Variants in OCA2 observed in about 807,000 individuals in gnomAD.
OCA2 encodes OCA2 melanosomal transmembrane protein.
OCA2 carries 77 observed loss-of-function variants against 100.2 expected under a neutral mutation model. The observed-to-expected ratio is 0.77, with a 90% CI of 0.64 to 0.93. The LOEUF is 0.93. OCA2 is among the 40% of genes least tolerant of loss of function. OCA2 has a pLI of 0.00. For missense variants in OCA2, 1,062 were observed against 1,089.1 expected (o/e 0.98, Z 0.35); for synonymous variants, 432 against 439.2 (o/e 0.98, Z 0.21).
In OCA2 at chr15:27,755,288, AC is replaced by A. The variant is rs2030249838; in HGVS notation, c.*99del. On this transcript the variant is annotated 3_prime_UTR_variant, in exon 24 of 24. Coordinates refer to ENST00000354638, the MANE Select transcript of OCA2 (RefSeq NM_000275.3). ...TCTCTGTAGCATCTCCAGGGTAAGC[AC>A]CTTTTCTTCTTCAAACAGTGGGGTC... The A allele has an allele frequency of 1.2e-6, 1 of 834,848 alleles. No homozygotes were observed. The highest frequency in any genetic ancestry group is 1.7e-5 in the African/African-American group (1 of 60,006). The allele number at this position is 834,848 out of a possible 1,614,324, so 51.7% of individuals were successfully genotyped here.
At chr15:27,770,321 G>A (rs2031622057) in intron 23 of OCA2, among the ~76,000 whole-genome samples, 1 of 152,208 alleles carries the variant, frequency 6.6e-6, no homozygotes, top group Non-Finnish European at 1.5e-5. Flanking sequence ...GGAGGGGCCA[G>A]GGACGGGCAA....
chr15:27,795,197 G>A (rs550278770), intron 23 of OCA2, among the ~76,000 whole-genome samples: 5 of 152,256 alleles, frequency 3.3e-5, no homozygotes, highest in Admixed American at 6.5e-5. Context: ...GCACATTTCC[G>A]TAGCGTCTGT....
At chr15:27,939,377 G>A (rs57516625) in intron 18 of OCA2, among the ~76,000 whole-genome samples, 17,468 of 152,010 alleles carry the variant, frequency 0.11, 3,452 homozygotes, top group African/African-American at 0.4. Context: ...TGGTACCCTC[G>A]GGGCCTATTA....
intron 19 of OCA2, among the ~76,000 whole-genome samples, chr15:27,921,128 A>C (rs184356170): frequency 1.4e-4 from 21 of 152,272 alleles, no homozygotes; most frequent in Non-Finnish European, 4.4e-5. Context: ...ACACGTAAGT[A>C]GGAGAAACAC....
chr15:27,794,046 A>G (rs933250835), intron 23 of OCA2, among the ~76,000 whole-genome samples: 2 of 152,204 alleles, frequency 1.3e-5, no homozygotes, highest in Non-Finnish European at 2.9e-5. Context: ...CTCTCTAGAG[A>G]AGATCTTTTC....
chr15:27,910,541 C>T (rs944364752), intron 19 of OCA2, among the ~76,000 whole-genome samples: 3 of 151,846 alleles, frequency 2.0e-5, no homozygotes, highest in Non-Finnish European at 2.9e-5. Context: ...GAGTGATTTC[C>T]AAGACATAAC....
At chr15:27,855,903 G>A (rs1351888668) in intron 21 of OCA2, among the ~76,000 whole-genome samples, 1 of 152,218 alleles carries the variant, frequency 6.6e-6, no homozygotes, top group Non-Finnish European at 1.5e-5. Flanking sequence ...TGAAGCTACT[G>A]TATGAGCTCC....
chr15:28,029,753 C>T (rs1003317706), intron 3 of OCA2, among the ~76,000 whole-genome samples: 1 of 152,018 alleles, frequency 6.6e-6, no homozygotes, highest in African/African-American at 2.4e-5. Context: ...GGATATTATC[C>T]TAATAAGCCA....
Position 27,934,755 on chromosome 15 carries a change from A to G in OCA2, c.1952-8501T>C, listed in dbSNP as rs144465989. 7.7e-3 allele frequency among the ~76,000 whole-genome samples: 1,178 copies of G among 152,328 alleles called. 25 individuals are homozygous for G. The highest frequency in any genetic ancestry group is 0.026 in the African/African-American group (1,083 of 41,588). On this transcript the variant is annotated intron_variant, in intron 18 of 23. Coordinates refer to ENST00000354638, the MANE Select transcript of OCA2 (RefSeq NM_000275.3). ...CTTTCCTCCAGCCAAAACTCCTGCT[A>G]TAGCACTCATCCATCCAACTTCAGA...
intron 23 of OCA2, among the ~76,000 whole-genome samples, chr15:27,761,068 T>C (rs2030794457): frequency 6.6e-6 from 1 of 152,000 alleles, no homozygotes. Flanking sequence ...TTCAACATAG[T>C]ACTGAAAGCC....
intron 23 of OCA2, among the ~76,000 whole-genome samples, chr15:27,773,683 C>T (rs771802621): frequency 6.6e-6 from 1 of 152,130 alleles, no homozygotes; most frequent in Non-Finnish European, 1.5e-5. Context: ...CTAAGTCATA[C>T]CCAAGGTCAC....
rs1451557615 is a variant in OCA2 at position 27,760,002 on chromosome 15, GT to G, written c.2433-4531del. The stretch of plus-strand genomic sequence containing the variant: ...TAAAAGAATTAAAATTATACAGAGG[GT>G]TTTTTTTCTTACCATAAGCAATCAA... On this transcript the variant is annotated intron_variant, in intron 23 of 23. Coordinates refer to ENST00000354638, the MANE Select transcript of OCA2 (RefSeq NM_000275.3). Among the ~76,000 whole-genome samples, 8 of 151,842 alleles carry G rather than the reference GT, an allele frequency of 5.3e-5. No homozygotes were observed. In the East Asian group the frequency reaches 5.8e-4, roughly 11 times the overall value.
At chr15:27,959,748 G>A (rs897929282) in intron 15 of OCA2, among the ~76,000 whole-genome samples, 84 of 152,164 alleles carry the variant, frequency 5.5e-4, no homozygotes, top group Non-Finnish European at 8.8e-5. Flanking sequence ...TACTGCAGGT[G>A]CTTACTCTCC....
intron 17 of OCA2, among the ~76,000 whole-genome samples, chr15:27,953,711 C>T (rs1305463124): frequency 2.6e-5 from 4 of 151,780 alleles, no homozygotes. Flanking sequence ...AAATTTGCTC[C>T]TTCTGGATAC....
intron 21 of OCA2, among the ~76,000 whole-genome samples, chr15:27,853,970 A>G (rs868659847): frequency 2.6e-5 from 4 of 152,214 alleles, no homozygotes; most frequent in Non-Finnish European, 5.9e-5. Flanking sequence ...CAGTCCCCCA[A>G]TGTCATGAAA....
chr15:27,867,719 G>A (rs550679719), intron 21 of OCA2, among the ~76,000 whole-genome samples: 1 of 152,286 alleles, frequency 6.6e-6, no homozygotes, highest in South Asian at 2.1e-4. Context: ...ATTTAAAAGA[G>A]ATAAGTGAAT....
chr15:27,733,008 A>G, the OCA2 span, among the ~76,000 whole-genome samples: 1 of 152,350 alleles, frequency 6.6e-6, no homozygotes, highest in South Asian at 2.1e-4. Context: ...AGCAAAAACA[A>G]GAAAGAAAAA....
intron 23 of OCA2, among the ~76,000 whole-genome samples, chr15:27,806,417 C>T (rs1431110785): frequency 2.0e-5 from 3 of 152,312 alleles, no homozygotes; most frequent in East Asian, 3.9e-4. Context: ...CTGTGAGATG[C>T]GTGGGCGAGC....
chr15:27,930,823 T>C (rs1005601390), intron 18 of OCA2, among the ~76,000 whole-genome samples: 2 of 151,990 alleles, frequency 1.3e-5, no homozygotes, highest in East Asian at 4.0e-4. Flanking sequence ...AACACTCTGA[T>C]TCCAACTCTA....
Sources: gnomAD v4.1 joint callset for allele counts (sites outside exome capture counted in the v4.1 genomes callset) on GRCh38, gnomAD v4.1.1 for gene constraint, MANE v1.5 for transcripts, NCBI Gene and HGNC (gene_info 2026-07-23, HGNC 2026-07-21) for gene names.